Variants in RSPO2 observed in about 807,000 individuals in gnomAD.
RSPO2 encodes the protein R-spondin-2.
In RSPO2, 14 loss-of-function variants were observed where a neutral mutation model predicts 30.9. That is an observed-to-expected ratio of 0.45 (90% CI 0.30 to 0.71). The LOEUF (loss-of-function observed/expected upper bound fraction) is 0.71, where lower values mean the gene tolerates loss of function less well. RSPO2 is among the 30% of genes least tolerant of loss of function. The probability of loss-of-function intolerance (pLI) is 0.08; values close to 1 mark genes in which losing one functional copy is unlikely to be tolerated. For synonymous variants in RSPO2, 107 were observed against 96.4 expected, an observed-to-expected ratio of 1.11 and a Z score of -0.64; for missense variants, 264 against 301.9, an observed-to-expected ratio of 0.87 and a Z score of 0.93.
rs74340904 is a variant in RSPO2 at position 107,961,723 on chromosome 8, C to T, written c.284-906G>A. 4.3e-3 allele frequency among the ~76,000 whole-genome samples: 658 copies of T among 152,252 alleles called. 5 individuals are homozygous for T. The highest frequency in any genetic ancestry group is 0.012 in the African/African-American group (490 of 41,554). ...CAGGGGCATCACTGACCTTACAAAACTATTGTAAGGTTTTGTAATAATATA... is the reference window on the plus strand; with the variant it reads ...CAGGGGCATCACTGACCTTACAAAATTATTGTAAGGTTTTGTAATAATATA... On this transcript the variant is annotated intron_variant, in intron 3 of 5. Transcript: ENST00000276659.
intron 2 of RSPO2, among the ~76,000 whole-genome samples, chr8:107,992,174 TACACACACACAC>T (rs35054419): frequency 5.6e-5 from 8 of 142,068 alleles, no homozygotes; most frequent in Admixed American, 3.5e-4. Flanking sequence ...GAAAATGTGA[TACACACACACAC>T]ACACACACAC....
chr8:108,071,608 G>A (rs1395150611), intron 2 of RSPO2, among the ~76,000 whole-genome samples: 2 of 152,146 alleles, frequency 1.3e-5, no homozygotes, highest in African/African-American at 4.8e-5. Flanking sequence ...CCTTGGATAA[G>A]TAAAAAATAT....
chr8:107,901,982 T>C (rs552305803), intron 5 of RSPO2, among the ~76,000 whole-genome samples: 2 of 152,342 alleles, frequency 1.3e-5, no homozygotes, highest in Admixed American at 1.3e-4. Flanking sequence ...TTTCTTTGCC[T>C]CTGCTATATT....
At chr8:108,020,538 C>G (rs572309947) in intron 2 of RSPO2, among the ~76,000 whole-genome samples, 177 of 152,300 alleles carry the variant, frequency 1.2e-3, no homozygotes, top group Non-Finnish European at 1.9e-3. Context: ...TTCTGCTCAT[C>G]ACTACCCATG....
rs944899014 is a variant in RSPO2, at chr8:108,001,150, C to T, written c.95-11906G>A. Among the ~76,000 whole-genome samples the T allele has an allele frequency of 2.0e-5, 3 of 152,164 alleles. No homozygotes were observed. The South Asian group carries it at 6.2e-4, about 31-fold the overall frequency. The stretch of plus-strand genomic sequence containing the variant: ...GAGCTTGCAGTGAGCCAAGATCGCG[C>T]CCCTGCACTCCAGCCTGGGCGACAG... On this transcript the variant is annotated intron_variant, in intron 2 of 5. Transcript: ENST00000276659.
intron 3 of RSPO2, among the ~76,000 whole-genome samples, chr8:107,986,082 T>C (rs1483964207): frequency 6.6e-6 from 1 of 152,228 alleles, no homozygotes; most frequent in African/African-American, 2.4e-5. Context: ...GATAATCTTT[T>C]AAGGAAGAGA....
intron 2 of RSPO2, among the ~76,000 whole-genome samples, chr8:108,006,167 T>C (rs1488228437): frequency 5.3e-5 from 8 of 152,112 alleles, no homozygotes; most frequent in African/African-American, 2.4e-5. Flanking sequence ...TAGAAGGACA[T>C]TTACAAAATA....
At chr8:107,928,295 T>C (rs1812448599) in intron 5 of RSPO2, among the ~76,000 whole-genome samples, 1 of 152,178 alleles carries the variant, frequency 6.6e-6, no homozygotes, top group Admixed American at 6.5e-5. Flanking sequence ...AAAAAATACA[T>C]AGTTAACAGA....
At position 108,083,284 on chromosome 8, in the gene RSPO2, C is replaced by T. The variant is rs1813273859; in HGVS notation, c.-257G>A. On this transcript the variant is annotated 5_prime_UTR_variant, in exon 1 of 6. Transcript: ENST00000276659. Reference sequence around the variant, plus strand: ...GCGAGCCGCTTGGTTAGCACGTGGGCTGGGGAAAAGTTTGCCGAGACCGGC... The same window carrying T: ...GCGAGCCGCTTGGTTAGCACGTGGGTTGGGGAAAAGTTTGCCGAGACCGGC... 1 of 152,240 alleles carries T rather than the reference C, an allele frequency of 6.6e-6. No homozygotes were observed. Among genetic ancestry groups the T allele is most frequent in the Admixed American group, 6.5e-5 (1 of 15,294 alleles). 9.4% of individuals were successfully genotyped at this position (152,240 alleles called of 1,614,324 possible).
At chr8:107,954,984 G>T (rs664001) in intron 5 of RSPO2, among the ~76,000 whole-genome samples, 81,396 of 151,888 alleles carry the variant, frequency 0.54, 23,911 homozygotes, top group East Asian at 0.7. Context: ...TATATTGGTA[G>T]CTAAGTCACA....
intron 2 of RSPO2, among the ~76,000 whole-genome samples, chr8:108,079,233 C>T (rs1813110028): frequency 6.6e-6 from 1 of 152,142 alleles, no homozygotes; most frequent in African/African-American, 2.4e-5. Context: ...TGGCATGTGT[C>T]TCCCCTCTAA....
chr8:108,070,427 G>A (rs918451230), intron 2 of RSPO2, among the ~76,000 whole-genome samples: 13 of 151,602 alleles, frequency 8.6e-5, no homozygotes, highest in Non-Finnish European at 1.5e-4. Context: ...CGAGTAGCTG[G>A]GACTACAGGT....
chr8:108,037,668 G>T (rs779075950), intron 2 of RSPO2, among the ~76,000 whole-genome samples: 1 of 152,202 alleles, frequency 6.6e-6, no homozygotes, highest in Middle Eastern at 3.2e-3. Context: ...CAAAGAACAG[G>T]CTGACTCTCT....
chr8:108,002,482 C>A (rs1224683568), intron 2 of RSPO2, among the ~76,000 whole-genome samples: 2 of 152,136 alleles, frequency 1.3e-5, no homozygotes, highest in Non-Finnish European at 2.9e-5. Context: ...TCCCCTCCTG[C>A]CTATCCAAAA....
intron 2 of RSPO2, among the ~76,000 whole-genome samples, chr8:108,017,692 G>C (rs548233712): frequency 6.6e-6 from 1 of 152,270 alleles, no homozygotes; most frequent in African/African-American, 2.4e-5. Context: ...TCCAAACAAT[G>C]TGTGTGTACA....
chr8:108,069,536 C>T (rs1284986745), intron 2 of RSPO2, among the ~76,000 whole-genome samples: 2 of 152,134 alleles, frequency 1.3e-5, no homozygotes, highest in Non-Finnish European at 2.9e-5. Context: ...AAAGAGTAAA[C>T]TCTACATGTT....
intron 2 of RSPO2, among the ~76,000 whole-genome samples, chr8:108,004,603 C>A (rs934143930): frequency 6.6e-6 from 1 of 152,160 alleles, no homozygotes; most frequent in African/African-American, 2.4e-5. Flanking sequence ...CCAAAAGCAA[C>A]CTGCATCTAC....
intron 5 of RSPO2, among the ~76,000 whole-genome samples, chr8:107,954,588 TTTTATTTATTTATTTATTTTATTTA>T (rs1813358779): frequency 2.7e-5 from 1 of 37,134 alleles, no homozygotes; most frequent in Non-Finnish European, 1.1e-4. Context: ...ATTGTCCATC[TTTTATTTATTTATTTATTTTATTTA>T]TTTATTTATT....
At chr8:108,034,500 G>A (rs1811529957) in intron 2 of RSPO2, among the ~76,000 whole-genome samples, 2 of 152,220 alleles carry the variant, frequency 1.3e-5, no homozygotes. Context: ...GCTTTAAAAC[G>A]CTTTGCCTGA....
Sources: allele counts gnomAD v4.1 joint callset (sites outside exome capture counted in the v4.1 genomes callset), GRCh38; gene constraint gnomAD v4.1.1; transcripts MANE v1.5; gene names NCBI Gene and HGNC (gene_info 2026-07-23, HGNC 2026-07-21).